NOC2L: variants seen among roughly 807,000 people sequenced by gnomAD.
NOC2L encodes the protein nucleolar complex protein 2 homolog.
A neutral mutation model predicts 94.2 loss-of-function variants in NOC2L; 101 were observed. The observed-to-expected ratio is 1.07, with a 90% CI of 0.91 to 1.26. NOC2L has a LOEUF of 1.26. Ranked by LOEUF, NOC2L falls within the 50% of genes most tolerant of loss-of-function variation. The pLI is 0.00. For synonymous variants in NOC2L, 531 were observed against 413.4 expected, an observed-to-expected ratio of 1.28 and a Z score of -3.45; for missense variants, 1,076 against 980.1, an observed-to-expected ratio of 1.10 and a Z score of -1.31.
chr1:944,593 C>T lies in NOC2L; in HGVS notation c.*101G>A. ...AAGCCTGTCCCGTGTCTACTGCCTC[C>T]CCCAACTGCACAGACGCCAGCCTCT... is the stretch of plus-strand genomic sequence containing the variant. On this transcript the variant is annotated 3_prime_UTR_variant, in exon 19 of 19. Coordinates refer to ENST00000327044, the MANE Select transcript of NOC2L (RefSeq NM_015658.4). The T allele has an allele frequency of 1.4e-6, 1 of 709,256 alleles. No individual in the cohort carries two copies. The highest frequency in any genetic ancestry group is 1.7e-5 in the South Asian group (1 of 59,382). 43.9% of individuals were successfully genotyped at this position (709,256 alleles called of 1,614,324 possible).
Position 944,483 on chromosome 1 carries a change from A to T in NOC2L, c.*211T>A. 3 of 685,276 alleles carry T rather than the reference A, an allele frequency of 4.4e-6. No individual in the cohort carries two copies. 42.4% of individuals were successfully genotyped at this position (685,276 alleles called of 1,614,324 possible). Reference sequence around the variant, plus strand: ...CGCGGAGCTGACTTCAGCAGCCCACAGCTGTGGGGCTTCAGCAGCCACACC... The same window carrying T: ...CGCGGAGCTGACTTCAGCAGCCCACTGCTGTGGGGCTTCAGCAGCCACACC... On this transcript the variant is annotated 3_prime_UTR_variant, in exon 19 of 19. Transcript: ENST00000327044.
chr1:953,966 A>G, intron 7 of NOC2L, 38 bp downstream of exon 7: 1 of 1,605,276 alleles, frequency 6.2e-7, no homozygotes, highest in Non-Finnish European at 8.5e-7. Flanking sequence ...ACCACCAGAT[A>G]CAGCCAGGCC....
chr1:956,195 C>G lies in NOC2L; in HGVS notation c.507G>C (p.Leu169=), dbSNP rs1214683552. Residue 169 remains leucine, a synonymous_variant, in exon 5 of 19, where the codon CTG becomes CTC. Transcript: ENST00000327044. ...QAAKQRLTPK[L]FHEVVQAFRA... ...GGAACGCCTGTACCACTTCATGGAA[C>G]AGCTTTGGAGTGAGGCGTTGCTGAA... 7.4e-6 allele frequency: 12 copies of G among 1,613,698 alleles called. No individual in the cohort carries two copies. The highest frequency in any genetic ancestry group is 1.0e-5 in the Non-Finnish European group (12 of 1,180,032).
chr1:956,135 T>C lies in NOC2L; in HGVS notation c.567A>G (p.Glu189=), dbSNP rs1642394811. Reference sequence around the variant, plus strand: ...CCTGGAATTTGTTGGCCTCAGCACTTTCCTGGTCCCCTCGGGTGGTGGCCA... The same window carrying C: ...CCTGGAATTTGTTGGCCTCAGCACTCTCCTGGTCCCCTCGGGTGGTGGCCA... ...AAVATTRGDQ[E]SAEANKFQVT... The change falls in exon 5 of 19, where the codon GAA becomes GAG. Residue 189 remains glutamate (E), a synonymous_variant. Coordinates refer to ENST00000327044, the MANE Select transcript of NOC2L (RefSeq NM_015658.4). 1.9e-6 allele frequency: 3 copies of C among 1,613,886 alleles called. No homozygotes were observed. Among genetic ancestry groups the C allele is most frequent in the African/African-American group, 1.3e-5 (1 of 74,908 alleles).
chr1:953,687 C>T, intron 8 of NOC2L, 95 bp downstream of exon 8: 4 of 934,942 alleles, frequency 4.3e-6, no homozygotes, highest in South Asian at 4.3e-5. Flanking sequence ...AGTGTGGGCA[C>T]CACCTGTGCC....
Position 944,246 on chromosome 1 carries a change from T to G in NOC2L, c.*448A>C. On this transcript the variant is annotated 3_prime_UTR_variant, in exon 19 of 19. Coordinates refer to ENST00000327044, the MANE Select transcript of NOC2L (RefSeq NM_015658.4). The stretch of plus-strand genomic sequence containing the variant: ...CTCCCACCGCTTTATTTCTTTCGGT[T>G]TCGGATGCAAAACAAAAAATTTTAA... 1 of 1,454,082 alleles carries G rather than the reference T, an allele frequency of 6.9e-7. No homozygotes were observed. The highest frequency in any genetic ancestry group is 1.4e-5 in the African/African-American group (1 of 69,738). 90.1% of individuals were successfully genotyped at this position (1,454,082 alleles called of 1,614,324 possible).
intron 15 of NOC2L, 24 bp downstream of exon 15, chr1:946,378 G>A (rs376379527): frequency 1.9e-6 from 3 of 1,613,326 alleles, no homozygotes; most frequent in Admixed American, 1.7e-5. Flanking sequence ...CCCTCAGGTG[G>A]CACTACCCCC....
In NOC2L at chr1:956,218, G is replaced by C; in HGVS notation, c.487-3C>G. ...AACAGCTTTGGAGTGAGGCGTTGCT[G>C]AAGGAGCAAGAGTACCAGGGGCGTC... On this transcript the variant is annotated splice_region_variant and splice_polypyrimidine_tract_variant and intron_variant, in intron 4 of 18. Coordinates refer to ENST00000327044, the MANE Select transcript of NOC2L (RefSeq NM_015658.4). 2 of 1,613,168 alleles carry C rather than the reference G, an allele frequency of 1.2e-6. No homozygotes were observed. The highest frequency in any genetic ancestry group is 1.7e-6 in the Non-Finnish European group (2 of 1,180,002).
At chr1:952,263 T>C in intron 10 of NOC2L, 124 bp from the exon 11 acceptor site, 1 of 1,385,506 alleles carries the variant, frequency 7.2e-7, no homozygotes, top group Non-Finnish European at 1.0e-6. Flanking sequence ...CCATCCACCC[T>C]TCCCCCACCT....
In NOC2L at chr1:953,779, A is replaced by C. The variant is rs13302945; in HGVS notation, c.888+3T>G. 1,507,720 of 1,607,600 alleles carry C rather than the reference A, an allele frequency of 0.94. 707,603 individuals are homozygous for C. Among genetic ancestry groups the C allele is most frequent in the Non-Finnish European group, 0.95 (1,112,205 of 1,176,278 alleles). ...GACACAGGGAGGGGACTGGGCCACG[A>C]ACCTTGAGCAGCATGCGGCACTGCT... On this transcript the variant is annotated splice_donor_region_variant and intron_variant, in intron 8 of 18. Transcript: ENST00000327044.
chr1:951,267 G>T, intron 11 of NOC2L, 29 bp from the exon 12 acceptor site: 3 of 1,519,612 alleles, frequency 2.0e-6, no homozygotes, highest in Non-Finnish European at 2.7e-6. Flanking sequence ...AGTGAGCAGA[G>T]GCCCCGGCTC....
chr1:948,001 T>G (rs559695954), intron 14 of NOC2L, 130 bp downstream of exon 14: 8 of 714,024 alleles, frequency 1.1e-5, no homozygotes, highest in Admixed American at 2.3e-5. Context: ...ACGGGGCGCG[T>G]TGCCAGCAGT....
At chr1:950,512 C>T (rs1642228203) in intron 12 of NOC2L, among the ~76,000 whole-genome samples, 1 of 152,052 alleles carries the variant, frequency 6.6e-6, no homozygotes, top group African/African-American at 2.4e-5. Flanking sequence ...GACACATGCA[C>T]AGGTGCACAC....
In NOC2L at chr1:957,209, C is replaced by T. The variant is rs773930857; in HGVS notation, c.244G>A (p.Glu82Lys). 77 of 1,613,816 alleles carry T rather than the reference C, an allele frequency of 4.8e-5. No homozygotes were observed. In the Admixed American group the frequency reaches 1.1e-3, roughly 24 times the overall value. Residue 82 changes from glutamate to lysine, a missense_variant, in exon 3 of 19, where the codon GAG (glutamate) becomes AAG (lysine). Glu to Lys is a moderately conservative substitution (Grantham distance 56). This residue lies in a region of NOC2L where 457 missense variants were observed against 386.0 expected (regional missense o/e 1.18). Transcript: ENST00000327044. The part of the protein sequence containing the change: ...QLSRLKDRDP[E>K]FYKFLQENDQ... ...TTCTCCTGCAGGAACTTGTAGAACT[C>T]GGGGTCTCTGTCCTTCAGCCGAGAG...
At chr1:951,409 G>A (rs192517633) in intron 11 of NOC2L, among the ~76,000 whole-genome samples, 171 bp from the exon 12 acceptor site, 3 of 151,386 alleles carry the variant, frequency 2.0e-5, no homozygotes, top group East Asian at 1.9e-4. Flanking sequence ...GGGGCTGCAG[G>A]TACCTTACCC....
chr1:951,322 C>A (rs902063480), intron 11 of NOC2L, 84 bp from the exon 12 acceptor site: 7 of 1,019,664 alleles, frequency 6.9e-6, no homozygotes, highest in East Asian at 5.2e-5. Context: ...CCTCCTCCCC[C>A]ACTCACCGAC....
Position 956,234 on chromosome 1 carries a change from C to G in NOC2L, c.487-19G>C. ...GGCGTTGCTGAAGGAGCAAGAGTAC[C>G]AGGGGCGTCAGGGGAGCTGAGACTG... On this transcript the variant is annotated intron_variant, in intron 4 of 18. Coordinates refer to ENST00000327044, the MANE Select transcript of NOC2L (RefSeq NM_015658.4). 6.2e-7 allele frequency: 1 copy of G among 1,610,816 alleles called. No individual in the cohort carries two copies. The highest frequency in any genetic ancestry group is 2.2e-5 in the East Asian group (1 of 44,868).
chr1:951,377 C>A (rs1253529433), intron 11 of NOC2L, 139 bp from the exon 12 acceptor site: 1 of 666,908 alleles, frequency 1.5e-6, no homozygotes, highest in Non-Finnish European at 2.7e-6. Context: ...ACCCCAGGGA[C>A]CTGCACCCCT....
At chr1:959,194 G>A (rs373811829) in intron 1 of NOC2L, 21 bp downstream of exon 1, 22 of 1,610,782 alleles carry the variant, frequency 1.4e-5, no homozygotes, top group Non-Finnish European at 1.8e-5. Context: ...GGCCAAATCG[G>A]CCCTCGGACC....
Sources: allele counts gnomAD v4.1 joint callset (sites outside exome capture counted in the v4.1 genomes callset), GRCh38; gene constraint gnomAD v4.1.1; regional missense constraint gnomAD v4.1.1; transcripts MANE v1.5; gene names NCBI Gene and HGNC (gene_info 2026-07-23, HGNC 2026-07-21).